NPAS3: variants seen among roughly 807,000 people sequenced by gnomAD.
NPAS3 encodes the protein neuronal PAS domain-containing protein 3.
NPAS3 carries 14 observed loss-of-function variants against 73.1 expected under a neutral mutation model. That is an observed-to-expected ratio of 0.19 (90% CI 0.13 to 0.30). The LOEUF (loss-of-function observed/expected upper bound fraction) is 0.30, where lower values mean the gene tolerates loss of function less well. Ranked by LOEUF, NPAS3 falls within the 10% of genes least tolerant of loss-of-function variation. The pLI, the probability that NPAS3 is intolerant of heterozygous loss-of-function variation, is 1.00. For synonymous variants in NPAS3, 620 were observed against 541.5 expected (o/e 1.14, Z -2.01); for missense variants, 1,096 against 1,250.0 (o/e 0.88, Z 1.86).
intron 6 of NPAS3, among the ~76,000 whole-genome samples, chr14:33,716,729 T>G (rs562467409): frequency 6.6e-6 from 1 of 152,198 alleles, no homozygotes; most frequent in African/African-American, 2.4e-5. Flanking sequence ...TCCTTTTTTG[T>G]GTTTTGGAGT....
At chr14:33,754,221 CT>C (rs1476520826) in intron 7 of NPAS3, among the ~76,000 whole-genome samples, 1 of 151,948 alleles carries the variant, frequency 6.6e-6, no homozygotes, top group Non-Finnish European at 1.5e-5. Context: ...GCTTTTTTCC[CT>C]GATATTCTTT....
At chr14:33,746,851 G>C (rs1352933216) in intron 7 of NPAS3, among the ~76,000 whole-genome samples, 1 of 151,486 alleles carries the variant, frequency 6.6e-6, no homozygotes, top group African/African-American at 2.4e-5. Flanking sequence ...CCACTAACTC[G>C]TCATCTAGCA....
rs201810351 is a variant in NPAS3, at chr14:33,580,338, T to TA, written c.558+20137dup. Among the ~76,000 whole-genome samples the TA allele has an allele frequency of 3.4e-3, 512 of 151,758 alleles. 2 individuals carry two copies. The highest frequency in any genetic ancestry group is 0.011 in the East Asian group (59 of 5,174). On this transcript the variant is annotated intron_variant, in intron 5 of 11. Coordinates refer to ENST00000356141, the Ensembl canonical transcript of NPAS3. Reference sequence around the variant, plus strand: ...AAAGCTGATATCTCTAATATGTTAGTAAAAAAAAATCATTGTTTGCTATGA... The same window carrying TA: ...AAAGCTGATATCTCTAATATGTTAGTAAAAAAAAAATCATTGTTTGCTATGA...
chr14:33,374,381 A>C (rs1455819922), intron 4 of NPAS3, among the ~76,000 whole-genome samples: 1 of 152,124 alleles, frequency 6.6e-6, no homozygotes, highest in South Asian at 2.1e-4. Flanking sequence ...AGATTGGTAA[A>C]GGGCATATCC....
intron 2 of NPAS3, among the ~76,000 whole-genome samples, chr14:33,179,089 C>G (rs1355910277): frequency 6.7e-6 from 1 of 150,140 alleles, no homozygotes; most frequent in Non-Finnish European, 1.5e-5. Flanking sequence ...TGTTTTTTTT[C>G]CCTTTGCTCT....
rs533540236 is a variant in NPAS3, at chr14:33,547,599, A to G, written c.469-12522A>G. On this transcript the variant is annotated intron_variant, in intron 4 of 11. Transcript: ENST00000356141. ...GCAGCCATCAGCCCCTCTTTCACTAAATGGATGAATGCAAAATGCAAACCA... is the reference window on the plus strand; with the variant it reads ...GCAGCCATCAGCCCCTCTTTCACTAGATGGATGAATGCAAAATGCAAACCA... 7.0e-4 allele frequency among the ~76,000 whole-genome samples: 107 copies of G among 152,282 alleles called. 2 individuals carry two copies. Among genetic ancestry groups the G allele is most frequent in the Admixed American group, 6.9e-3 (106 of 15,278 alleles).
At chr14:33,312,551 C>T (rs959541475) in intron 3 of NPAS3, among the ~76,000 whole-genome samples, 1 of 152,060 alleles carries the variant, frequency 6.6e-6, no homozygotes, top group Non-Finnish European at 1.5e-5. Flanking sequence ...GTCATTTATG[C>T]TGCTTAAAGG....
At chr14:33,225,466 A>G (rs1256407396) in intron 3 of NPAS3, among the ~76,000 whole-genome samples, 1 of 152,184 alleles carries the variant, frequency 6.6e-6, no homozygotes, top group African/African-American at 2.4e-5. Context: ...GAGTCAGCCA[A>G]CGTTTTCTGT....
intron 4 of NPAS3, among the ~76,000 whole-genome samples, chr14:33,395,563 C>T (rs934530678): frequency 3.3e-5 from 5 of 151,390 alleles, no homozygotes; most frequent in Non-Finnish European, 7.4e-5. Context: ...TACATATATG[C>T]GTGTATACAT....
intron 3 of NPAS3, among the ~76,000 whole-genome samples, chr14:33,349,892 A>G (rs1429180505): frequency 6.6e-6 from 1 of 152,222 alleles, no homozygotes; most frequent in Non-Finnish European, 1.5e-5. Flanking sequence ...GTTGAAGGAC[A>G]GGAAATTCTT....
At chr14:33,588,822 G>T (rs933490072) in intron 5 of NPAS3, among the ~76,000 whole-genome samples, 4 of 152,080 alleles carry the variant, frequency 2.6e-5, no homozygotes, top group African/African-American at 9.7e-5. Flanking sequence ...TCACCATGTT[G>T]GCCAAGCTGG....
intron 1 of NPAS3, among the ~76,000 whole-genome samples, chr14:32,991,370 T>C (rs2038327182): frequency 6.6e-6 from 1 of 152,158 alleles, no homozygotes; most frequent in Non-Finnish European, 1.5e-5. Context: ...AAGGGATACC[T>C]GGCCCTTTGG....
chr14:33,764,827 G>A (rs2062409785), intron 7 of NPAS3, among the ~76,000 whole-genome samples: 2 of 152,210 alleles, frequency 1.3e-5, no homozygotes, highest in South Asian at 4.1e-4. Context: ...TGAATCAAAT[G>A]AAATTTGATC....
chr14:33,739,415 G>C (rs184962706), intron 7 of NPAS3, among the ~76,000 whole-genome samples: 1 of 152,136 alleles, frequency 6.6e-6, no homozygotes, highest in Non-Finnish European at 1.5e-5. Flanking sequence ...TAGTTTATTA[G>C]GATCGCTCAT....
At chr14:33,415,360 T>G (rs1405200450) in intron 4 of NPAS3, among the ~76,000 whole-genome samples, 1 of 152,126 alleles carries the variant, frequency 6.6e-6, no homozygotes, top group East Asian at 1.9e-4. Context: ...CCTTGCCATT[T>G]TGAGTAAACC....
At chr14:33,557,349 TTAAG>T (rs1166060228) in intron 4 of NPAS3, among the ~76,000 whole-genome samples, 1 of 152,178 alleles carries the variant, frequency 6.6e-6, no homozygotes, top group Non-Finnish European at 1.5e-5. Flanking sequence ...TGGAAGTAAC[TTAAG>T]TAATCTCTTG....
chr14:33,621,267 G>C (rs1439087430), intron 5 of NPAS3, among the ~76,000 whole-genome samples: 1 of 152,124 alleles, frequency 6.6e-6, no homozygotes, highest in African/African-American at 2.4e-5. Context: ...GTCTAGGCTT[G>C]AAGAAAGTGT....
chr14:33,214,831 C>G (rs1283542455), intron 2 of NPAS3: 1 of 215,690 alleles, frequency 4.6e-6, no homozygotes, highest in African/African-American at 2.3e-5. Context: ...AATGTAAGCC[C>G]AACTTATAAA....
At chr14:33,016,888 A>G (rs2039416731) in intron 1 of NPAS3, among the ~76,000 whole-genome samples, 1 of 152,174 alleles carries the variant, frequency 6.6e-6, no homozygotes, top group Non-Finnish European at 1.5e-5. Flanking sequence ...ATTGTTTGGA[A>G]CAGATGGTAT....
Sources: gnomAD v4.1 joint callset for allele counts (sites outside exome capture counted in the v4.1 genomes callset) on GRCh38, gnomAD v4.1.1 for gene constraint, MANE v1.5 for transcripts, NCBI Gene and HGNC (gene_info 2026-07-23, HGNC 2026-07-21) for gene names.